The following AGAP1 variants were observed in gnomAD, a reference collection of about 807,000 sequenced individuals.
AGAP1 encodes arf-GAP with GTPase, ANK repeat and PH domain-containing protein 1.
Under a neutral mutation model 105.3 loss-of-function variants are expected in AGAP1, and 29 were observed. The ratio of observed to expected loss-of-function variants is 0.28; its 90% CI spans 0.21 to 0.38. The LOEUF (loss-of-function observed/expected upper bound fraction) is 0.38. AGAP1 is among the 10% of genes least tolerant of loss of function. AGAP1 has a pLI of 1.00. For missense variants in AGAP1, 998 were observed against 1,165.1 expected, an observed-to-expected ratio of 0.86 and a Z score of 2.09; for synonymous variants, 509 against 485.9, an observed-to-expected ratio of 1.05 and a Z score of -0.63.
At chr2:235,860,209 G>A (rs1469948955) in intron 9 of AGAP1, among the ~76,000 whole-genome samples, 1 of 152,158 alleles carries the variant, frequency 6.6e-6, no homozygotes. Flanking sequence ...AACATACACT[G>A]AGAAATAAAA....
chr2:235,708,878 C>T (rs952321290), intron 1 of AGAP1, among the ~76,000 whole-genome samples: 1 of 152,170 alleles, frequency 6.6e-6, no homozygotes. Flanking sequence ...GATACACGCT[C>T]CACTGAAGGG....
Position 235,753,155 on chromosome 2 carries a change from G to A in AGAP1, c.673+2667G>A, listed in dbSNP as rs895520924. ...TTGAGTTCCATACCACACCCAGCAC[G>A]TTCAAGGCAGAGGACAGGCAGCCAC... is the stretch of plus-strand genomic sequence containing the variant. On this transcript the variant is annotated intron_variant, in intron 6 of 17. Coordinates refer to ENST00000304032, the MANE Select transcript of AGAP1 (RefSeq NM_001037131.3). The surrounding 1 kb of genome is among the most constrained non-coding windows in gnomAD (Gnocchi z 4.5). 6.6e-6 allele frequency among the ~76,000 whole-genome samples: 1 copy of A among 152,206 alleles called. No individual in the cohort carries two copies. Among genetic ancestry groups the A allele is most frequent in the Non-Finnish European group, 1.5e-5 (1 of 68,026 alleles).
chr2:235,809,652 A>T (rs1324505803), intron 9 of AGAP1, among the ~76,000 whole-genome samples: 1 of 152,126 alleles, frequency 6.6e-6, no homozygotes, highest in Non-Finnish European at 1.5e-5. Flanking sequence ...GGACGGATTG[A>T]TGTGGGTTTG....
At chr2:236,032,754 A>G (rs888184867) in intron 13 of AGAP1, among the ~76,000 whole-genome samples, 2 of 152,116 alleles carry the variant, frequency 1.3e-5, no homozygotes, top group Admixed American at 1.3e-4. Context: ...TGAAGTTTGC[A>G]AGAGAGTGAG....
intron 16 of AGAP1, among the ~76,000 whole-genome samples, chr2:236,065,370 T>C (rs2058318713): frequency 6.6e-6 from 1 of 152,250 alleles, no homozygotes; most frequent in African/African-American, 2.4e-5. Context: ...TTCGACTGGA[T>C]GCATTTTATT....
Position 236,090,692 on chromosome 2 carries a change from T to G in AGAP1, c.2115-29500T>G, listed in dbSNP as rs1481985456. On this transcript the variant is annotated intron_variant, in intron 16 of 17. Transcript: ENST00000304032. This position sits in a 1 kb window ranked among gnomAD's most constrained non-coding sequence, Gnocchi z 4.3. ...CGGCCCAGCTTGCAAACATAATCCT[T>G]CCTTGTTTTTCTTTTGTTGGTGGTG... 3.9e-5 allele frequency among the ~76,000 whole-genome samples: 6 copies of G among 152,142 alleles called. No homozygotes were observed. The highest frequency in any genetic ancestry group is 6.6e-5 in the Admixed American group (1 of 15,266).
intron 1 of AGAP1, among the ~76,000 whole-genome samples, chr2:235,516,396 C>T (rs1159424673): frequency 6.6e-6 from 1 of 152,108 alleles, no homozygotes; most frequent in African/African-American, 2.4e-5. Flanking sequence ...TTCTCCTCCA[C>T]AGTACAGCTG....
intron 9 of AGAP1, among the ~76,000 whole-genome samples, chr2:235,823,871 C>A (rs1020038297): frequency 2.6e-5 from 4 of 152,128 alleles, no homozygotes; most frequent in Admixed American, 2.6e-4. Flanking sequence ...CTAGCAGGCT[C>A]ATTGATTCCC....
In AGAP1 at chr2:236,087,241, C is replaced by T. The variant is rs2058953218; in HGVS notation, c.2115-32951C>T. On this transcript the variant is annotated intron_variant, in intron 16 of 17. Coordinates refer to ENST00000304032, the MANE Select transcript of AGAP1 (RefSeq NM_001037131.3). The surrounding 1 kb of genome is among the most constrained non-coding windows in gnomAD (Gnocchi z 5.7). ...TTGACAGGCCTTCTCATTATGGAGC[C>T]CATCAGGGGACAGGGCATTCCAGTG... Among the ~76,000 whole-genome samples, 1 of 151,912 alleles carries T rather than the reference C, an allele frequency of 6.6e-6. No homozygotes were observed. The highest frequency in any genetic ancestry group is 1.5e-5 in the Non-Finnish European group (1 of 67,998).
intron 9 of AGAP1, among the ~76,000 whole-genome samples, chr2:235,878,121 G>A (rs1378280974): frequency 2.0e-5 from 3 of 152,194 alleles, no homozygotes; most frequent in Non-Finnish European, 4.4e-5. Flanking sequence ...CATGTCAGAT[G>A]GAGAGTATGG....
At chr2:236,033,098 A>ATTTTT in intron 13 of AGAP1, among the ~76,000 whole-genome samples, 1 of 151,966 alleles carries the variant, frequency 6.6e-6, no homozygotes, top group Admixed American at 6.6e-5. Context: ...ATACAAAATT[A>ATTTTT]GCCGGATATG....
intron 1 of AGAP1, among the ~76,000 whole-genome samples, chr2:235,532,115 A>G (rs1224074967): frequency 6.6e-6 from 1 of 152,254 alleles, no homozygotes; most frequent in Non-Finnish European, 1.5e-5. Context: ...TTATATGCAA[A>G]TATGGAAAAC....
chr2:235,511,841 TATGA>T (rs1574724422), intron 1 of AGAP1, among the ~76,000 whole-genome samples: 1 of 151,396 alleles, frequency 6.6e-6, no homozygotes, highest in East Asian at 1.9e-4. Flanking sequence ...TGTGTGAATG[TATGA>T]GTGTGGATGT....
At chr2:235,840,374 A>T (rs1433442154) in intron 9 of AGAP1, among the ~76,000 whole-genome samples, 1 of 152,252 alleles carries the variant, frequency 6.6e-6, no homozygotes, top group Admixed American at 6.5e-5. Context: ...GTAGGGGCAG[A>T]GAAGACAAGG....
chr2:235,643,547 G>C (rs1165144182), intron 1 of AGAP1, among the ~76,000 whole-genome samples: 1 of 151,732 alleles, frequency 6.6e-6, no homozygotes, highest in Non-Finnish European at 1.5e-5. Context: ...TAATGGCACT[G>C]GGGAAATGGA....
At chr2:235,791,838 CA>C (rs1956995623) in intron 6 of AGAP1, among the ~76,000 whole-genome samples, 2 of 152,184 alleles carry the variant, frequency 1.3e-5, no homozygotes, top group Non-Finnish European at 2.9e-5. Flanking sequence ...TGAGCCAGCT[CA>C]CCCAGCCGGG....
rs1946599502 is a variant in AGAP1 at position 235,625,164 on chromosome 2, C to T, written c.164-84015C>T. Among the ~76,000 whole-genome samples, 1 of 152,200 alleles carries T rather than the reference C, an allele frequency of 6.6e-6. No individual in the cohort carries two copies. On this transcript the variant is annotated intron_variant, in intron 1 of 17. Coordinates refer to ENST00000304032, the MANE Select transcript of AGAP1 (RefSeq NM_001037131.3). The surrounding 1 kb of genome is among the most constrained non-coding windows in gnomAD (Gnocchi z 4.0). Reference sequence around the variant, plus strand: ...CTCGGAATCATTCCAGGTGCCTGCTCTAGACTCTTGGTGTTGCTCTTCTTT... The same window carrying T: ...CTCGGAATCATTCCAGGTGCCTGCTTTAGACTCTTGGTGTTGCTCTTCTTT...
chr2:236,124,216 C>A lies in AGAP1; in HGVS notation c.*94C>A. On this transcript the variant is annotated 3_prime_UTR_variant, in exon 18 of 18. Coordinates refer to ENST00000304032, the MANE Select transcript of AGAP1 (RefSeq NM_001037131.3). The surrounding 1 kb of genome is among the most constrained non-coding windows in gnomAD (Gnocchi z 5.1). ...TCGCAGCACGTGAGTCCCGTCGCAT[C>A]CCCTCCCTCTTCCTGGTGGCCACCT... 2.2e-6 allele frequency: 3 copies of A among 1,362,418 alleles called. No homozygotes were observed. Among genetic ancestry groups the A allele is most frequent in the Non-Finnish European group, 3.0e-6 (3 of 990,948 alleles). 84.4% of individuals were successfully genotyped at this position (1,362,418 alleles called of 1,614,324 possible).
rs2052058101 is a variant in AGAP1 at position 235,919,377 on chromosome 2, T to G, written c.1324+10471T>G. Among the ~76,000 whole-genome samples, 1 of 152,158 alleles carries G rather than the reference T, an allele frequency of 6.6e-6. No homozygotes were observed. The highest frequency in any genetic ancestry group is 1.5e-5 in the Non-Finnish European group (1 of 68,034). ...GCCCATTGTTTTGAGTTACCACTCA[T>G]ATAGTGAACGTTTGCGTTTCTGGAG... On this transcript the variant is annotated intron_variant, in intron 11 of 17. Coordinates refer to ENST00000304032, the MANE Select transcript of AGAP1 (RefSeq NM_001037131.3). This position sits in a 1 kb window ranked among gnomAD's most constrained non-coding sequence, Gnocchi z 4.1.
Sources: gnomAD v4.1 joint callset for allele counts (sites outside exome capture counted in the v4.1 genomes callset) on GRCh38, gnomAD v4.1.1 for gene constraint, Gnocchi (gnomAD v3.1) non-coding constraint, MANE v1.5 for transcripts, NCBI Gene and HGNC (gene_info 2026-07-23, HGNC 2026-07-21) for gene names.